The following WBP1L variants were observed in gnomAD, a reference collection of about 807,000 sequenced individuals.
WBP1L encodes the protein WW domain binding protein 1 like.
In WBP1L, 17 loss-of-function variants were observed where a neutral mutation model predicts 33.7. That is an observed-to-expected ratio of 0.50 (90% CI 0.34 to 0.76). The LOEUF (loss-of-function observed/expected upper bound fraction) is 0.76. Among genes scored for constraint, WBP1L ranks in the 30% least tolerant of loss-of-function variants. The pLI is 0.01. For missense variants in WBP1L, 389 were observed against 469.4 expected (o/e 0.83, Z 1.58); for synonymous variants, 173 against 190.8 (o/e 0.91, Z 0.77).
intron 1 of WBP1L, among the ~76,000 whole-genome samples, chr10:102,785,294 T>G (rs1020978591): frequency 2.6e-5 from 4 of 151,722 alleles, no homozygotes; most frequent in African/African-American, 9.7e-5. Flanking sequence ...TTCATGCCAT[T>G]CTCCTGCCTC....
At chr10:102,784,518 T>C (rs759278646) in intron 1 of WBP1L, among the ~76,000 whole-genome samples, 29 of 148,592 alleles carry the variant, frequency 2.0e-4, no homozygotes, top group South Asian at 4.4e-4. Flanking sequence ...CTCTGCCTCC[T>C]GGGTTCACGC....
chr10:102,773,396 C>T (rs1843217131), intron 1 of WBP1L, among the ~76,000 whole-genome samples: 1 of 152,074 alleles, frequency 6.6e-6, no homozygotes, highest in Non-Finnish European at 1.5e-5. Flanking sequence ...AATTTATAAT[C>T]TGTGAGAAGA....
chr10:102,808,638 T>C (rs977318693), intron 2 of WBP1L, among the ~76,000 whole-genome samples: 14 of 152,230 alleles, frequency 9.2e-5, no homozygotes, highest in African/African-American at 1.7e-4. Flanking sequence ...ATTAGGATTA[T>C]GTCGAGAGCA....
At chr10:102,769,361 T>C (rs555193784) in intron 1 of WBP1L, among the ~76,000 whole-genome samples, 2 of 86,486 alleles carry the variant, frequency 2.3e-5, no homozygotes, top group South Asian at 2.8e-4. Context: ...TTTTTCTTTC[T>C]TTTTTTTTTT....
chr10:102,780,533 G>T (rs1011795886), intron 1 of WBP1L, among the ~76,000 whole-genome samples: 1 of 152,128 alleles, frequency 6.6e-6, no homozygotes. Flanking sequence ...GGTTTCTTAG[G>T]AGCAACACTC....
At position 102,813,301 on chromosome 10, in the gene WBP1L, C is replaced by T. The variant is rs1364160647; in HGVS notation, c.1062C>T (p.Pro354=). The part of the protein sequence containing the change: ...LLNTINEQDS[P]NSQSSSSPS ...ACACCATCAACGAGCAGGACTCTCCCAACTCCCAGAGCAGCAGCTCCCCCA... is the reference window on the plus strand; with the variant it reads ...ACACCATCAACGAGCAGGACTCTCCTAACTCCCAGAGCAGCAGCTCCCCCA... The change falls in exon 4 of 4, where the codon CCC becomes CCT. Residue 354 remains proline, a synonymous_variant. Transcript: ENST00000448841. 1.2e-6 allele frequency: 2 copies of T among 1,611,188 alleles called. No homozygotes were observed. The highest frequency in any genetic ancestry group is 1.1e-5 in the South Asian group (1 of 91,026).
Position 102,813,278 on chromosome 10 carries a change from A to AC in WBP1L, c.1041dup (p.Ile348HisfsTer33). On this transcript the variant is annotated frameshift_variant, in exon 4 of 4. Transcript: ENST00000448841. LOFTEE classifies it high-confidence loss of function. ...GCCGCCCGCATGCCTGCTGCTGAACACCATCAACGAGCAGGACTCTCCCAA... is the reference window on the plus strand; with the variant it reads ...GCCGCCCGCATGCCTGCTGCTGAACACCCATCAACGAGCAGGACTCTCCCAA... 1.2e-6 allele frequency: 2 copies of AC among 1,612,806 alleles called. No homozygotes were observed. Among genetic ancestry groups the AC allele is most frequent in the Non-Finnish European group, 1.7e-6 (2 of 1,179,920 alleles).
chr10:102,758,631 G>T (rs544486686), intron 1 of WBP1L, among the ~76,000 whole-genome samples: 1 of 152,334 alleles, frequency 6.6e-6, no homozygotes, highest in African/African-American at 2.4e-5. Context: ...ACGAGAGATT[G>T]TAATAAATAA....
At chr10:102,798,928 A>T (rs771923408) in intron 2 of WBP1L, among the ~76,000 whole-genome samples, 3 of 152,192 alleles carry the variant, frequency 2.0e-5, no homozygotes, top group Non-Finnish European at 2.9e-5. Context: ...GACCTTCTGG[A>T]GAAAGGGAGT....
Position 102,816,034 on chromosome 10 carries a change from G to A in WBP1L, c.*2703G>A, listed in dbSNP as rs2134074733. 1 of 152,798 alleles carries A rather than the reference G, an allele frequency of 6.5e-6. No homozygotes were observed. The highest frequency in any genetic ancestry group is 1.5e-5 in the Non-Finnish European group (1 of 68,050). 9.5% of individuals were successfully genotyped at this position (152,798 alleles called of 1,614,324 possible). On this transcript the variant is annotated 3_prime_UTR_variant, in exon 4 of 4. Coordinates refer to ENST00000448841, the MANE Select transcript of WBP1L (RefSeq NM_001083913.2). Reference sequence around the variant, plus strand: ...ACGTGAATGAGACGGGGTCGGTGGAGGGTTTGGTGCTACAGCCAGTCAGAA... The same window carrying A: ...ACGTGAATGAGACGGGGTCGGTGGAAGGTTTGGTGCTACAGCCAGTCAGAA...
At chr10:102,810,503 T>A (rs201034764) in intron 3 of WBP1L, among the ~76,000 whole-genome samples, 1 of 5,538 alleles carries the variant, frequency 1.8e-4, no homozygotes, top group African/African-American at 2.9e-4. Context: ...CCTTCCTTCC[T>A]TCCTTCCTTC....
chr10:102,751,440 G>T (rs560302046), intron 1 of WBP1L, among the ~76,000 whole-genome samples: 1 of 151,364 alleles, frequency 6.6e-6, no homozygotes, highest in South Asian at 2.1e-4. Context: ...CCTCCTAGTA[G>T]CTGGAGCTAC....
intron 1 of WBP1L, among the ~76,000 whole-genome samples, chr10:102,787,159 T>C (rs1843427480): frequency 6.6e-6 from 1 of 152,248 alleles, no homozygotes; most frequent in South Asian, 2.1e-4. Flanking sequence ...GTTAACTTCT[T>C]AGCAGTGGCT....
chr10:102,778,791 G>A (rs1240496412), intron 1 of WBP1L, among the ~76,000 whole-genome samples: 2 of 151,846 alleles, frequency 1.3e-5, no homozygotes, highest in African/African-American at 2.4e-5. Flanking sequence ...GACACATAAT[G>A]CACACACACA....
chr10:102,808,395 C>T (rs559021354), intron 2 of WBP1L, among the ~76,000 whole-genome samples: 5 of 152,218 alleles, frequency 3.3e-5, no homozygotes, highest in Admixed American at 2.0e-4. Flanking sequence ...TTTTGTGCCA[C>T]ACATTTAAAA....
chr10:102,776,032 C>CA, intron 1 of WBP1L: 1 of 933,960 alleles, frequency 1.1e-6, no homozygotes, highest in Non-Finnish European at 1.3e-6. Flanking sequence ...CAGGGCTGGG[C>CA]ATCGCGGGTC....
At chr10:102,771,355 G>A (rs1262151573) in intron 1 of WBP1L, among the ~76,000 whole-genome samples, 2 of 152,040 alleles carry the variant, frequency 1.3e-5, no homozygotes, top group African/African-American at 4.8e-5. Context: ...CCAGGGATTC[G>A]AGACCAGCTT....
At chr10:102,759,021 C>T (rs955104026) in intron 1 of WBP1L, among the ~76,000 whole-genome samples, 4 of 152,304 alleles carry the variant, frequency 2.6e-5, no homozygotes, top group African/African-American at 7.2e-5. Context: ...GGACAAGGAG[C>T]GTGACCACTG....
At chr10:102,755,416 G>T (rs896688636) in intron 1 of WBP1L, among the ~76,000 whole-genome samples, 1 of 148,756 alleles carries the variant, frequency 6.7e-6, no homozygotes, top group Admixed American at 6.7e-5. Context: ...ATTTGAGATG[G>T]AGTTTTGCTC....
Sources: gnomAD v4.1 joint callset for allele counts (sites outside exome capture counted in the v4.1 genomes callset) on GRCh38, gnomAD v4.1.1 for gene constraint, MANE v1.5 for transcripts, NCBI Gene and HGNC (gene_info 2026-07-23, HGNC 2026-07-21) for gene names.